Variants in ZNF197 observed in about 807,000 individuals in gnomAD.
ZNF197 encodes the protein VHL-associated KRAB-A domain-containing protein.
A neutral mutation model predicts 27.4 loss-of-function variants in ZNF197; 14 were observed. The ratio of observed to expected loss-of-function variants is 0.51; its 90% CI spans 0.34 to 0.80. ZNF197 has a LOEUF of 0.80. Among genes scored for constraint, ZNF197 ranks in the 30% least tolerant of loss-of-function variants. The pLI is 0.02. For missense variants in ZNF197, 1,090 were observed against 1,222.6 expected (o/e 0.89, Z 1.62); for synonymous variants, 415 against 420.0 (o/e 0.99, Z 0.15).
At chr3:44,639,469 AT>A (rs1240195444) in intron 5 of ZNF197, among the ~76,000 whole-genome samples, 1,563 of 139,334 alleles carry the variant, frequency 0.011, 14 homozygotes, top group African/African-American at 0.033. Flanking sequence ...GGTGGGGGTA[AT>A]TTTTTTTTTT....
chr3:44,642,986 A>G lies in ZNF197; in HGVS notation c.1856A>G (p.Glu619Gly). ...FIDHKRMHSR[E>G]KPYKCTECGK... ...GACCATAAGAGGATGCACAGCAGAG[A>G]GAAACCTTACAAATGCACTGAATGT... The change falls in exon 6 of 6, where the codon GAG becomes GGG. Residue 619 changes from glutamate (E) to glycine (G), a missense_variant. Transcript: ENST00000344387. 1 of 1,614,072 alleles carries G rather than the reference A, an allele frequency of 6.2e-7. No homozygotes were observed.
intron 1 of ZNF197, among the ~76,000 whole-genome samples, chr3:44,628,427 A>C (rs1474083525): frequency 6.6e-6 from 1 of 151,914 alleles, no homozygotes. Flanking sequence ...TGATTAACAG[A>C]AAGAACAATT....
chr3:44,637,163 C>T (rs1257692020), intron 5 of ZNF197, among the ~76,000 whole-genome samples: 1 of 152,052 alleles, frequency 6.6e-6, no homozygotes, highest in Admixed American at 6.6e-5. Context: ...GGGTCTTGCC[C>T]TGTTGCCCAG....
rs1192456199 is a variant in ZNF197 at position 44,645,038 on chromosome 3, A to C, written c.*818A>C. 14 of 985,416 alleles carry C rather than the reference A, an allele frequency of 1.4e-5. No homozygotes were observed. In the African/African-American group the frequency reaches 1.9e-4, roughly 14 times the overall value. 61.0% of individuals were successfully genotyped at this position (985,416 alleles called of 1,614,324 possible). On this transcript the variant is annotated 3_prime_UTR_variant, in exon 6 of 6. Transcript: ENST00000344387. Reference sequence around the variant, plus strand: ...CGGACAAGAGTCTGCTGATGAGGACAACCTAAAAGAGCACTGGATTTGGAA... The same window carrying C: ...CGGACAAGAGTCTGCTGATGAGGACCACCTAAAAGAGCACTGGATTTGGAA...
At position 44,644,186 on chromosome 3, in the gene ZNF197, C is replaced by T; in HGVS notation, c.3056C>T (p.Thr1019Ile). ...TIEEFSWLQN[T>I]NESKIEIQKI ...GAGGAATTCTCTTGGCTACAAAACA[C>T]CAATGAGTCCAAGATTGAGATTCAG... Residue 1019 changes from threonine (T) to isoleucine (I), a missense_variant, in exon 6 of 6, where the codon ACC becomes ATC. By Grantham distance (89) the Thr-to-Ile change is moderately conservative. Transcript: ENST00000344387. 3.7e-6 allele frequency: 6 copies of T among 1,608,652 alleles called. No individual in the cohort carries two copies. Among genetic ancestry groups the T allele is most frequent in the Non-Finnish European group, 5.1e-6 (6 of 1,178,146 alleles).
rs976999691 is a variant in ZNF197 at position 44,645,652 on chromosome 3, A to G, written c.*1432A>G. ...AAATCCTTGACCCGCAGTTGAGCTG[A>G]TGATCCCTGCCACAGTCATTGTGAA... On this transcript the variant is annotated 3_prime_UTR_variant, in exon 6 of 6. Transcript: ENST00000344387. 5 of 985,312 alleles carry G rather than the reference A, an allele frequency of 5.1e-6. No individual in the cohort carries two copies. The highest frequency in any genetic ancestry group is 3.5e-5 in the African/African-American group (2 of 57,228). The allele number at this position is 985,312 out of a possible 1,614,324, so 61.0% of individuals were successfully genotyped here. A position where few individuals can be genotyped will look rare whatever the true frequency, so the allele number is the denominator to read the frequency against.
chr3:44,637,572 C>G (rs1304522511), intron 5 of ZNF197, among the ~76,000 whole-genome samples: 1 of 151,722 alleles, frequency 6.6e-6, no homozygotes, highest in Non-Finnish European at 1.5e-5. Context: ...AGATTTATGT[C>G]TATGTTTTCT....
chr3:44,639,296 G>C (rs945441680), intron 5 of ZNF197, among the ~76,000 whole-genome samples: 1 of 151,938 alleles, frequency 6.6e-6, no homozygotes, highest in Admixed American at 6.6e-5. Flanking sequence ...TTTTGTGATG[G>C]TTATGTCTGG....
At position 44,646,181 on chromosome 3, in the gene ZNF197, C is replaced by A. The variant is rs1356879350; in HGVS notation, c.*1961C>A. The A allele has an allele frequency of 1.0e-6, 1 of 981,166 alleles. No individual in the cohort carries two copies. Among genetic ancestry groups the A allele is most frequent in the East Asian group, 1.1e-4 (1 of 8,794 alleles). 60.8% of individuals were successfully genotyped at this position (981,166 alleles called of 1,614,324 possible). A position where few individuals can be genotyped will look rare whatever the true frequency, so the allele number is the denominator to read the frequency against. ...CCATCTGCCTCAGAAAAAATCTCTT[C>A]AGTTCTTGGAGCCTTGAATTCCTCA... On this transcript the variant is annotated 3_prime_UTR_variant, in exon 6 of 6. Transcript: ENST00000344387.
Position 44,645,823 on chromosome 3 carries a change from G to A in ZNF197, c.*1603G>A, listed in dbSNP as rs1479396034. On this transcript the variant is annotated 3_prime_UTR_variant, in exon 6 of 6. Transcript: ENST00000344387. The stretch of plus-strand genomic sequence containing the variant: ...GATTAAGCCAGTGCAGAATCCACTT[G>A]TGGGCAGTCAGTGCCCATTACCCCC... 2 of 985,312 alleles carry A rather than the reference G, an allele frequency of 2.0e-6. No individual in the cohort carries two copies. The highest frequency in any genetic ancestry group is 2.4e-6 in the Non-Finnish European group (2 of 829,938). 61.0% of individuals were successfully genotyped at this position (985,312 alleles called of 1,614,324 possible).
rs1249988426 is a variant in ZNF197, at chr3:44,646,578, G to T, written c.*2358G>T. On this transcript the variant is annotated 3_prime_UTR_variant, in exon 6 of 6. Coordinates refer to ENST00000344387, the MANE Select transcript of ZNF197 (RefSeq NM_006991.5). The stretch of plus-strand genomic sequence containing the variant: ...AGAACGTGGAATATTGCATAAGAAA[G>T]CTGCCCTGGATTCTTCAAAATATTA... The T allele has an allele frequency of 3.0e-6, 3 of 988,694 alleles. No individual in the cohort carries two copies. The highest frequency in any genetic ancestry group is 4.9e-6 in the Non-Finnish European group (3 of 611,142). 61.2% of individuals were successfully genotyped at this position (988,694 alleles called of 1,614,324 possible).
At chr3:44,627,710 A>C (rs987372090) in intron 1 of ZNF197, among the ~76,000 whole-genome samples, 2 of 151,920 alleles carry the variant, frequency 1.3e-5, no homozygotes, top group Non-Finnish European at 2.9e-5. Flanking sequence ...GCGAGCCTGT[A>C]GTACCAGCTG....
At position 44,643,808 on chromosome 3, in the gene ZNF197, A is replaced by G. The variant is rs1482317661; in HGVS notation, c.2678A>G (p.Gln893Arg). 1.2e-6 allele frequency: 2 copies of G among 1,613,916 alleles called. No homozygotes were observed. Among genetic ancestry groups the G allele is most frequent in the African/African-American group, 2.7e-5 (2 of 74,952 alleles). ...TCTAGTAGAAATCTTATGGTACATC[A>G]AAGAATCCATACTGGAGAGAAACCT... The part of the protein sequence containing the change: ...LTSSRNLMVH[Q>R]RIHTGEKPYK... Residue 893 changes from glutamine (Q) to arginine (R), a missense_variant, in exon 6 of 6, where the codon CAA becomes CGA. Transcript: ENST00000344387.
Position 44,631,120 on chromosome 3 carries a change from C to G in ZNF197, c.449C>G (p.Thr150Arg). The change falls in exon 3 of 6, where the codon ACA becomes AGA. Residue 150 changes from threonine (T) to arginine (R), a missense_variant. Transcript: ENST00000344387. Reference protein sequence around the residue: ...TLQKVVSAPGTTLPPVLPGSH... With the variant: ...TLQKVVSAPGRTLPPVLPGSH... The stretch of plus-strand genomic sequence containing the variant: ...CAGAAGGTGGTGAGTGCCCCAGGAA[C>G]AACACTTCCTCCTGTACTTCCTGGC... 1 of 1,614,154 alleles carries G rather than the reference C, an allele frequency of 6.2e-7. No individual in the cohort carries two copies. Among genetic ancestry groups the G allele is most frequent in the Non-Finnish European group, 8.5e-7 (1 of 1,180,036 alleles).
chr3:44,631,296 T>C, intron 3 of ZNF197, 75 bp downstream of exon 3: 1 of 1,567,752 alleles, frequency 6.4e-7, no homozygotes, highest in South Asian at 1.2e-5. Context: ...TTCCAGGGAG[T>C]TGCTTCCTCT....
Position 44,645,113 on chromosome 3 carries a change from GTTA to G in ZNF197, c.*897_*899del. 1.0e-6 allele frequency: 1 copy of G among 975,350 alleles called. No individual in the cohort carries two copies. The highest frequency in any genetic ancestry group is 1.2e-6 in the Non-Finnish European group (1 of 820,822). 60.4% of individuals were successfully genotyped at this position (975,350 alleles called of 1,614,324 possible). ...GGCTTTCCCTTAATGGCCATGTGAT[GTTA>G]TTAAGTCAGCCTCTAAAGCTTTAGT... On this transcript the variant is annotated 3_prime_UTR_variant, in exon 6 of 6. Coordinates refer to ENST00000344387, the MANE Select transcript of ZNF197 (RefSeq NM_006991.5).
At chr3:44,631,692 C>T (rs572887793) in intron 3 of ZNF197, among the ~76,000 whole-genome samples, 1 of 150,522 alleles carries the variant, frequency 6.6e-6, no homozygotes, top group Non-Finnish European at 1.5e-5. Flanking sequence ...TGAGCCACTG[C>T]ACCCGGCCAT....
chr3:44,642,478 G>A lies in ZNF197; in HGVS notation c.1348G>A (p.Gly450Arg), dbSNP rs1702667710. The change falls in exon 6 of 6, where the codon GGG (glycine) becomes AGG (arginine). Residue 450 changes from glycine to arginine, a missense_variant. Physicochemically the swap from Gly to Arg is moderately radical, Grantham distance 125. Coordinates refer to ENST00000344387, the MANE Select transcript of ZNF197 (RefSeq NM_006991.5). ...TCTAAACCATCAGAGGATCCACACTGGGGAGAAACCTTATAAGTGTAAGGA... is the reference window on the plus strand; with the variant it reads ...TCTAAACCATCAGAGGATCCACACTAGGGAGAAACCTTATAAGTGTAAGGA... ...YLLNHQRIHT[G>R]EKPYKCKECG... is the part of the protein sequence containing the mutation. The A allele has an allele frequency of 6.2e-7, 1 of 1,614,076 alleles. No homozygotes were observed. Among genetic ancestry groups the A allele is most frequent in the Non-Finnish European group, 8.5e-7 (1 of 1,179,990 alleles).
intron 5 of ZNF197, among the ~76,000 whole-genome samples, 172 bp downstream of exon 5, chr3:44,632,771 CCTTT>C (rs1483518189): frequency 2.4e-4 from 37 of 152,084 alleles, no homozygotes; most frequent in African/African-American, 8.0e-4. Flanking sequence ...TGATATATTA[CCTTT>C]CTGTTTTTTC....
Sources: gnomAD v4.1 joint callset for allele counts (sites outside exome capture counted in the v4.1 genomes callset) on GRCh38, gnomAD v4.1.1 for gene constraint, MANE v1.5 for transcripts, NCBI Gene and HGNC (gene_info 2026-07-23, HGNC 2026-07-21) for gene names.